Variants in RTN3 observed in about 807,000 individuals in gnomAD.
The protein encoded by RTN3 is reticulon 3.
Under a neutral mutation model 77.8 loss-of-function variants are expected in RTN3, and 49 were observed. The observed-to-expected ratio is 0.63, with a 90% CI of 0.50 to 0.80. RTN3 has a LOEUF of 0.80. Among genes scored for constraint, RTN3 ranks in the 30% least tolerant of loss-of-function variants. The probability of loss-of-function intolerance (pLI) is 0.00; values close to 1 mark genes in which losing one functional copy is unlikely to be tolerated. For missense variants in RTN3, 1,236 were observed against 1,211.9 expected, an observed-to-expected ratio of 1.02 and a Z score of -0.29; for synonymous variants, 464 against 446.9, an observed-to-expected ratio of 1.04 and a Z score of -0.48.
chr11:63,698,751 T>G (rs1942088382), intron 1 of RTN3: 1 of 170,746 alleles, frequency 5.9e-6, no homozygotes, highest in Admixed American at 6.5e-5. Context: ...GCTCCCGAGC[T>G]CCTACCACTG....
At chr11:63,706,689 T>C (rs1290355033) in intron 2 of RTN3, among the ~76,000 whole-genome samples, 1 of 152,184 alleles carries the variant, frequency 6.6e-6, no homozygotes, top group East Asian at 1.9e-4. Context: ...GTTATATTGT[T>C]CTTGACATTT....
intron 2 of RTN3, among the ~76,000 whole-genome samples, chr11:63,717,312 CTT>C (rs1208886291): frequency 2.7e-5 from 4 of 148,612 alleles, no homozygotes; most frequent in East Asian, 2.0e-4. Context: ...ACTGATAAGA[CTT>C]AACGTATTAC....
chr11:63,729,436 C>CTTTTTTTT (rs1177025902), intron 3 of RTN3, among the ~76,000 whole-genome samples: 5 of 32,072 alleles, frequency 1.6e-4, no homozygotes, highest in African/African-American at 6.1e-4. Flanking sequence ...AAGGTTTCTG[C>CTTTTTTTT]TTTTTTTTTT....
chr11:63,755,344 G>A (rs1469870527), intron 7 of RTN3, among the ~76,000 whole-genome samples: 1 of 152,032 alleles, frequency 6.6e-6, no homozygotes, highest in Non-Finnish European at 1.5e-5. Context: ...TAAAACCAGA[G>A]GTTTTAAAAA....
chr11:63,719,651 T>C lies in RTN3; in HGVS notation c.1149T>C (p.Thr383=), dbSNP rs1432501756. 1.2e-6 allele frequency: 2 copies of C among 1,613,912 alleles called. No individual in the cohort carries two copies. Among genetic ancestry groups the C allele is most frequent in the Non-Finnish European group, 1.7e-6 (2 of 1,179,966 alleles). ...EIPVVNLKTS[T]HQKTPVCSID... The stretch of plus-strand genomic sequence containing the variant: ...CAGTTGTAAATCTTAAAACTAGCAC[T>C]CATCAGAAAACTCCTGTATGTTCTA... The change falls in exon 3 of 9, where the codon ACT becomes ACC. Residue 383 remains threonine, a synonymous_variant. Coordinates refer to ENST00000377819, the MANE Select transcript of RTN3 (RefSeq NM_001265589.2).
chr11:63,713,722 T>C (rs998605061), intron 2 of RTN3, among the ~76,000 whole-genome samples: 4 of 152,176 alleles, frequency 2.6e-5, no homozygotes, highest in Non-Finnish European at 4.4e-5. Context: ...CACACTAAAT[T>C]CCATTATAGC....
chr11:63,694,847 T>A (rs1222547388), intron 1 of RTN3, among the ~76,000 whole-genome samples: 1 of 152,232 alleles, frequency 6.6e-6, no homozygotes, highest in Non-Finnish European at 1.5e-5. Flanking sequence ...TTGTTCTTCC[T>A]CTTAGATTGC....
chr11:63,741,526 G>A (rs1260973339), intron 3 of RTN3, among the ~76,000 whole-genome samples: 6 of 139,396 alleles, frequency 4.3e-5, no homozygotes, highest in African/African-American at 1.6e-4. Flanking sequence ...TTGAGACAGC[G>A]TCTCATTCTA....
chr11:63,729,436 CTTTTTTTTTT>C (rs1177025902), intron 3 of RTN3, among the ~76,000 whole-genome samples: 3 of 32,072 alleles, frequency 9.4e-5, no homozygotes, highest in African/African-American at 4.5e-4. Flanking sequence ...AAGGTTTCTG[CTTTTTTTTTT>C]TTTTTTTTTT....
intron 3 of RTN3, among the ~76,000 whole-genome samples, chr11:63,727,168 T>C (rs1467204684): frequency 6.6e-6 from 1 of 152,036 alleles, no homozygotes; most frequent in Non-Finnish European, 1.5e-5. Flanking sequence ...AAGTTTGCAG[T>C]TTGAATCTAA....
chr11:63,745,321 C>T (rs895797738), intron 3 of RTN3, among the ~76,000 whole-genome samples: 31 of 152,290 alleles, frequency 2.0e-4, no homozygotes, highest in African/African-American at 6.7e-4. Context: ...TGGTCATTAG[C>T]TTGGCCCCAT....
chr11:63,734,781 A>ACACACACACACC (rs778043704), intron 3 of RTN3, among the ~76,000 whole-genome samples: 4 of 105,060 alleles, frequency 3.8e-5, no homozygotes, highest in African/African-American at 1.2e-4. Context: ...ACACACACAC[A>ACACACACACACC]CCATACTGGA....
intron 1 of RTN3, among the ~76,000 whole-genome samples, chr11:63,703,858 A>G (rs983274463): frequency 1.3e-5 from 2 of 151,962 alleles, no homozygotes; most frequent in Non-Finnish European, 2.9e-5. Context: ...ATCTTTGTAC[A>G]TGTATGCAAA....
At chr11:63,751,141 A>T (rs944114874) in intron 4 of RTN3, among the ~76,000 whole-genome samples, 1 of 152,170 alleles carries the variant, frequency 6.6e-6, no homozygotes, top group Non-Finnish European at 1.5e-5. Flanking sequence ...CATGCATGGG[A>T]TTACTATGCA....
chr11:63,715,353 A>T (rs76424015), intron 2 of RTN3, among the ~76,000 whole-genome samples: 1,800 of 152,242 alleles, frequency 0.012, 40 homozygotes, highest in African/African-American at 0.041. Context: ...TGAAATCTCC[A>T]TCTCCATAAA....
intron 2 of RTN3, among the ~76,000 whole-genome samples, chr11:63,712,639 C>A (rs1296866245): frequency 6.6e-6 from 1 of 151,960 alleles, no homozygotes; most frequent in Admixed American, 6.6e-5. Flanking sequence ...GCATGCGCCA[C>A]CACACTCGGC....
chr11:63,735,550 TTCTCTCTCTCTC>T (rs71468640), intron 3 of RTN3, among the ~76,000 whole-genome samples: 127 of 42,732 alleles, frequency 3.0e-3, no homozygotes, highest in African/African-American at 5.8e-3. Context: ...ATTCTAACAT[TTCTCTCTCTCTC>T]TCTCTCTCTC....
rs1302374680 is a variant in RTN3, at chr11:63,741,213, A to ATTTT, written c.2531-8775_2531-8772dup. ...TATTTATTTATTTATTTATTTATTT[A>ATTTT]TTTTTTGAGATGGAGTTTCGCTCTT... On this transcript the variant is annotated intron_variant, in intron 3 of 8. Coordinates refer to ENST00000377819, the MANE Select transcript of RTN3 (RefSeq NM_001265589.2). Among the ~76,000 whole-genome samples the ATTTT allele has an allele frequency of 1.5e-4, 22 of 149,918 alleles. 5 individuals are homozygous for ATTTT. Among genetic ancestry groups the ATTTT allele is most frequent in the Non-Finnish European group, 3.1e-4 (21 of 67,634 alleles).
At chr11:63,746,327 T>TTGGCCACATGTGCGTTATCATC (rs1590881875) in intron 3 of RTN3, among the ~76,000 whole-genome samples, 1 of 152,328 alleles carries the variant, frequency 6.6e-6, no homozygotes, top group East Asian at 1.9e-4. Context: ...TTGTTATCAT[T>TTGGCCACATGTGCGTTATCATC]TGGCCACATG....
Sources: gnomAD v4.1 joint callset for allele counts (sites outside exome capture counted in the v4.1 genomes callset) on GRCh38, gnomAD v4.1.1 for gene constraint, MANE v1.5 for transcripts, NCBI Gene and HGNC (gene_info 2026-07-23, HGNC 2026-07-21) for gene names.